GSK3B: variants seen among roughly 807,000 people sequenced by gnomAD.
The protein encoded by GSK3B is glycogen synthase kinase 3 beta, also known as glycogen synthase kinase-3 beta.
In GSK3B, 15 loss-of-function variants were observed where a neutral mutation model predicts 56.4. The ratio of observed to expected loss-of-function variants is 0.27; its 90% confidence interval spans 0.18 to 0.41. The LOEUF (loss-of-function observed/expected upper bound fraction) is 0.41, where lower values mean the gene tolerates loss of function less well. Among genes scored for constraint, GSK3B ranks in the 10% least tolerant of loss-of-function variants. The pLI, the probability that GSK3B is intolerant of heterozygous loss-of-function variation, is 1.00. For missense variants in GSK3B, 300 were observed against 513.4 expected (o/e 0.58, Z 4.02); for synonymous variants, 181 against 188.9 (o/e 0.96, Z 0.34).
At chr3:120,009,971 G>A (rs1370260962) in intron 1 of GSK3B, among the ~76,000 whole-genome samples, 2 of 151,932 alleles carry the variant, frequency 1.3e-5, no homozygotes, top group East Asian at 3.9e-4. Flanking sequence ...ATGTCTTTAG[G>A]TCCAAGGTAA....
chr3:119,903,104 T>C (rs981357992), intron 7 of GSK3B, among the ~76,000 whole-genome samples: 1 of 152,170 alleles, frequency 6.6e-6, no homozygotes, highest in African/African-American at 2.4e-5. Flanking sequence ...CTTAGAACTA[T>C]ACTAAACATA....
At chr3:119,971,117 C>T (rs1456259507) in intron 2 of GSK3B, among the ~76,000 whole-genome samples, 1 of 152,124 alleles carries the variant, frequency 6.6e-6, no homozygotes, top group Non-Finnish European at 1.5e-5. Context: ...ATATAAATGA[C>T]AAATGTCTCC....
intron 1 of GSK3B, among the ~76,000 whole-genome samples, chr3:120,065,394 A>T (rs1284694308): frequency 6.6e-6 from 1 of 152,168 alleles, no homozygotes; most frequent in East Asian, 1.9e-4. Flanking sequence ...TCATTAAGGA[A>T]ATGCAAATCA....
intron 2 of GSK3B, among the ~76,000 whole-genome samples, chr3:119,998,355 G>A (rs986409715): frequency 6.6e-6 from 1 of 152,112 alleles, no homozygotes; most frequent in South Asian, 2.1e-4. Context: ...ATGTGGCAAG[G>A]GACCAAAGTC....
intron 3 of GSK3B, among the ~76,000 whole-genome samples, chr3:119,930,023 G>C (rs1456444097): frequency 6.6e-6 from 1 of 151,468 alleles, no homozygotes; most frequent in Non-Finnish European, 1.5e-5. Context: ...CAAGGCTAGT[G>C]AGCCGTGATG....
In GSK3B at chr3:120,094,141, C is replaced by T. The variant is rs1295053442; in HGVS notation, c.-707G>A. ...TGGCGGTGGCGGAGGCAGCTCCCTT[C>T]AGACCCCAGGCAGCGGCTCCTCGAC... is the stretch of plus-strand genomic sequence containing the variant. On this transcript the variant is annotated 5_prime_UTR_variant, in exon 1 of 11. Coordinates refer to ENST00000264235, the MANE Select transcript of GSK3B (RefSeq NM_001146156.2). 4.3e-6 allele frequency: 1 copy of T among 231,432 alleles called. No homozygotes were observed. The highest frequency in any genetic ancestry group is 2.2e-5 in the African/African-American group (1 of 44,722). 14.3% of individuals were successfully genotyped at this position (231,432 alleles called of 1,614,324 possible).
chr3:120,020,527 T>C (rs1397477432), intron 1 of GSK3B, among the ~76,000 whole-genome samples: 1 of 152,194 alleles, frequency 6.6e-6, no homozygotes, highest in African/African-American at 2.4e-5. Flanking sequence ...TATGGTGATC[T>C]GTGATCAATG....
intron 4 of GSK3B, among the ~76,000 whole-genome samples, chr3:119,922,224 AGGAG>A (rs1343062550): frequency 9.5e-5 from 9 of 95,100 alleles, no homozygotes; most frequent in East Asian, 2.8e-4. Flanking sequence ...GAAGGAAGGA[AGGAG>A]GGAAGGAAGG....
chr3:120,020,927 G>A (rs2057871242), intron 1 of GSK3B, among the ~76,000 whole-genome samples: 2 of 152,174 alleles, frequency 1.3e-5, no homozygotes. Flanking sequence ...GAGAAAGTCT[G>A]AGTGGTCTGG....
chr3:119,964,486 C>T (rs1454076843), intron 2 of GSK3B, among the ~76,000 whole-genome samples: 3 of 152,032 alleles, frequency 2.0e-5, no homozygotes, highest in African/African-American at 2.4e-5. Context: ...CTGGAAAATA[C>T]GCTATGCTAA....
At chr3:119,899,443 T>A (rs1162989037) in intron 7 of GSK3B, among the ~76,000 whole-genome samples, 1 of 152,096 alleles carries the variant, frequency 6.6e-6, no homozygotes, top group Non-Finnish European at 1.5e-5. Context: ...TGGTAATGAA[T>A]GTAAAGTGCT....
In GSK3B at chr3:120,093,694, T is replaced by G; in HGVS notation, c.-260A>C. On this transcript the variant is annotated 5_prime_UTR_variant, in exon 1 of 11. Coordinates refer to ENST00000264235, the MANE Select transcript of GSK3B (RefSeq NM_001146156.2). ...AGGACTTGGGAAAAAATACAATTCTTTCCCCTCCCTTTCCTGGGAGGAGAG... is the reference window on the plus strand; with the variant it reads ...AGGACTTGGGAAAAAATACAATTCTGTCCCCTCCCTTTCCTGGGAGGAGAG... 2.8e-6 allele frequency: 1 copy of G among 359,254 alleles called. No individual in the cohort carries two copies. 22.3% of individuals were successfully genotyped at this position (359,254 alleles called of 1,614,324 possible).
chr3:119,864,696 T>C (rs2056154230), intron 8 of GSK3B, among the ~76,000 whole-genome samples: 2 of 152,246 alleles, frequency 1.3e-5, no homozygotes, highest in Admixed American at 6.5e-5. Context: ...GAATGGCTCA[T>C]GTAACATTTG....
intron 1 of GSK3B, among the ~76,000 whole-genome samples, chr3:120,083,419 C>A (rs1480617839): frequency 1.3e-5 from 2 of 151,630 alleles, no homozygotes; most frequent in African/African-American, 2.4e-5. Flanking sequence ...AAGAAAGGGG[C>A]AGGAGGCAGG....
intron 4 of GSK3B, among the ~76,000 whole-genome samples, chr3:119,919,519 G>GA (rs1166564827): frequency 2.3e-3 from 87 of 37,764 alleles, no homozygotes; most frequent in East Asian, 2.9e-3. Flanking sequence ...GGTTACATAA[G>GA]AAAAAAAAAA....
chr3:120,093,657 T>A lies in GSK3B; in HGVS notation c.-223A>T, dbSNP rs910745675. ...GACAGATCGGCACGGATATTTAACA[T>A]ATAGATGATTTAGGACTTGGGAAAA... is the stretch of plus-strand genomic sequence containing the variant. On this transcript the variant is annotated 5_prime_UTR_variant, in exon 1 of 11. It removes an upstream start codon present in the reference 5' UTR. Transcript: ENST00000264235. The A allele has an allele frequency of 4.6e-6, 2 of 438,870 alleles. No individual in the cohort carries two copies. The highest frequency in any genetic ancestry group is 8.2e-6 in the Non-Finnish European group (2 of 243,278). The allele number at this position is 438,870 out of a possible 1,614,324, so 27.2% of individuals were successfully genotyped here.
At position 119,821,846 on chromosome 3, in the gene GSK3B, C is replaced by T. The variant is rs905275708; in HGVS notation, c.*4942G>A. 5.9e-5 allele frequency: 10 copies of T among 170,518 alleles called. 1 individual carries two copies. The South Asian group carries it at 1.0e-3, about 17-fold the overall frequency. 10.6% of individuals were successfully genotyped at this position (170,518 alleles called of 1,614,324 possible). On this transcript the variant is annotated 3_prime_UTR_variant, in exon 11 of 11. Transcript: ENST00000264235. ...TCTGTATAACAAAGATTAATGTTTCCCTAATTAGAGGAATGGAAATGGTGA... is the reference window on the plus strand; with the variant it reads ...TCTGTATAACAAAGATTAATGTTTCTCTAATTAGAGGAATGGAAATGGTGA...
intron 4 of GSK3B, among the ~76,000 whole-genome samples, chr3:119,918,371 G>A (rs760800413): frequency 3.0e-4 from 45 of 151,666 alleles, no homozygotes; most frequent in Non-Finnish European, 5.4e-4. Context: ...TCGGAAGGCT[G>A]GGGCAGGAGA....
chr3:119,823,318 G>A lies in GSK3B; in HGVS notation c.*3470C>T, dbSNP rs2055443660. 1 of 207,088 alleles carries A rather than the reference G, an allele frequency of 4.8e-6. No homozygotes were observed. The highest frequency in any genetic ancestry group is 2.3e-5 in the African/African-American group (1 of 43,914). The allele number at this position is 207,088 out of a possible 1,614,324, so 12.8% of individuals were successfully genotyped here. On this transcript the variant is annotated 3_prime_UTR_variant, in exon 11 of 11. Coordinates refer to ENST00000264235, the MANE Select transcript of GSK3B (RefSeq NM_001146156.2). Reference sequence around the variant, plus strand: ...GAGCAAGGGTAGAGATGGCGGGAGGGAGGAAATGGGCTAAGAGTTCCCTTG... The same window carrying A: ...GAGCAAGGGTAGAGATGGCGGGAGGAAGGAAATGGGCTAAGAGTTCCCTTG...
Sources: gnomAD v4.1 joint callset for allele counts (sites outside exome capture counted in the v4.1 genomes callset) on GRCh38, gnomAD v4.1.1 for gene constraint, MANE v1.5 for transcripts, NCBI Gene and HGNC (gene_info 2026-07-23, HGNC 2026-07-21) for gene names.